ATP10B: variants seen among roughly 807,000 people sequenced by gnomAD.
ATP10B encodes phospholipid-transporting ATPase VB.
A neutral mutation model predicts 141.2 loss-of-function variants in ATP10B; 122 were observed. The ratio of observed to expected loss-of-function variants is 0.86; its 90% CI spans 0.75 to 1.00. ATP10B has a LOEUF of 1.00. Ranked by LOEUF, ATP10B falls within the 50% of genes least tolerant of loss-of-function variation. The probability of loss-of-function intolerance (pLI) is 0.00; values close to 1 mark genes in which losing one functional copy is unlikely to be tolerated. For missense variants in ATP10B, 1,876 were observed against 1,825.3 expected, an observed-to-expected ratio of 1.03 and a Z score of -0.51; for synonymous variants, 685 against 692.0, an observed-to-expected ratio of 0.99 and a Z score of 0.16.
chr5:160,750,603 C>A (rs943758000), intron 2 of ATP10B, among the ~76,000 whole-genome samples: 1 of 152,204 alleles, frequency 6.6e-6, no homozygotes, highest in South Asian at 2.1e-4. Context: ...TTCCCTCCAC[C>A]ATCACTGTTT....
chr5:160,838,836 G>A (rs1775635725), intron 1 of ATP10B, among the ~76,000 whole-genome samples: 1 of 152,268 alleles, frequency 6.6e-6, no homozygotes, highest in Non-Finnish European at 1.5e-5. Context: ...GGACCTGGTG[G>A]AAGGTGATTG....
chr5:160,775,439 G>A (rs1166222424), intron 2 of ATP10B, among the ~76,000 whole-genome samples: 1 of 152,108 alleles, frequency 6.6e-6, no homozygotes, highest in Non-Finnish European at 1.5e-5. Context: ...TAACCTCTGA[G>A]GATTACTATA....
intron 2 of ATP10B, among the ~76,000 whole-genome samples, chr5:160,750,539 G>T (rs540633479): frequency 6.6e-6 from 1 of 152,106 alleles, no homozygotes; most frequent in Non-Finnish European, 1.5e-5. Context: ...CCCCACTGCT[G>T]CCATTCTTGT....
chr5:160,861,137 C>T, the ATP10B span, among the ~76,000 whole-genome samples: 1 of 151,720 alleles, frequency 6.6e-6, no homozygotes, highest in Non-Finnish European at 1.5e-5. Flanking sequence ...GCATTTTGTA[C>T]CATCTTTTGG....
At chr5:160,584,600 G>A (rs1422931717) in intron 24 of ATP10B, among the ~76,000 whole-genome samples, 1 of 151,880 alleles carries the variant, frequency 6.6e-6, no homozygotes, top group East Asian at 1.9e-4. Flanking sequence ...TAAAAAAACT[G>A]AACTCTTATG....
At chr5:160,632,417 A>T in intron 12 of ATP10B, 50 bp from the exon 13 acceptor site, 1 of 1,564,104 alleles carries the variant, frequency 6.4e-7, no homozygotes, top group Non-Finnish European at 8.8e-7. Context: ...CGGCTGGACC[A>T]TGTTGGGGAA....
At chr5:160,883,717 A>C in the ATP10B span, among the ~76,000 whole-genome samples, 5 of 152,206 alleles carry the variant, frequency 3.3e-5, no homozygotes, top group Non-Finnish European at 4.4e-5. Flanking sequence ...GCAGAAGTGT[A>C]AGCCTTCCAA....
chr5:160,796,066 C>T (rs1331015433), intron 1 of ATP10B, among the ~76,000 whole-genome samples: 2 of 152,132 alleles, frequency 1.3e-5, no homozygotes, highest in African/African-American at 4.8e-5. Context: ...TTAGTGACCT[C>T]ACCACACCAA....
intron 7 of ATP10B, among the ~76,000 whole-genome samples, chr5:160,651,936 C>A (rs1760769134): frequency 6.6e-6 from 1 of 152,116 alleles, no homozygotes; most frequent in South Asian, 2.1e-4. Context: ...CACTCCTGAT[C>A]CACACCACTC....
At chr5:160,598,697 G>A (rs1756901213) in intron 22 of ATP10B, 73 bp downstream of exon 22, 3 of 1,384,960 alleles carry the variant, frequency 2.2e-6, no homozygotes, top group Non-Finnish European at 3.0e-6. Context: ...CTCTTTCTCT[G>A]ATGCCTCCAG....
chr5:160,670,655 G>A lies in ATP10B; in HGVS notation c.483C>T (p.Thr161=). The A allele has an allele frequency of 6.2e-7, 1 of 1,613,340 alleles. No homozygotes were observed. The highest frequency in any genetic ancestry group is 8.5e-7 in the Non-Finnish European group (1 of 1,179,734). Residue 161 remains threonine (T), a synonymous_variant, in exon 7 of 26, where the codon ACC becomes ACT. Coordinates refer to ENST00000327245, the MANE Select transcript of ATP10B (RefSeq NM_025153.3). ...NIRIYERKEQ[T]YVQKCWKDVR... is the part of the protein sequence containing the mutation. ...CATCCTTCCAGCACTTCTGCACATA[G>A]GTCTGCTCTTTTCTTGGGTGAGAGA...
At chr5:160,597,399 A>G (rs1756783742) in intron 22 of ATP10B, among the ~76,000 whole-genome samples, 1 of 152,168 alleles carries the variant, frequency 6.6e-6, no homozygotes, top group Admixed American at 6.5e-5. Flanking sequence ...TTAATTCAAG[A>G]TGGATTAAAG....
intron 7 of ATP10B, among the ~76,000 whole-genome samples, chr5:160,669,155 A>G (rs1383978404): frequency 6.6e-6 from 1 of 152,170 alleles, no homozygotes; most frequent in Non-Finnish European, 1.5e-5. Context: ...TTGGAAATCA[A>G]CTCCCACAAG....
intron 1 of ATP10B, among the ~76,000 whole-genome samples, chr5:160,799,111 C>G (rs1471227865): frequency 3.1e-5 from 4 of 128,168 alleles, no homozygotes; most frequent in Non-Finnish European, 6.8e-5. Context: ...TAGGCTGTAT[C>G]AAAAGCTGAT....
chr5:160,751,001 C>G (rs1425652274), intron 2 of ATP10B, among the ~76,000 whole-genome samples: 2 of 152,226 alleles, frequency 1.3e-5, no homozygotes, highest in Non-Finnish European at 2.9e-5. Context: ...CCTCCAAACA[C>G]CAGTGTCAGT....
chr5:160,904,245 G>A, the ATP10B span, among the ~76,000 whole-genome samples: 1 of 152,136 alleles, frequency 6.6e-6, no homozygotes, highest in Non-Finnish European at 1.5e-5. Context: ...TAAAGTCTCA[G>A]AGTCAGACTG....
intron 2 of ATP10B, among the ~76,000 whole-genome samples, chr5:160,749,813 C>CT (rs1768040048): frequency 6.6e-6 from 1 of 151,740 alleles, no homozygotes; most frequent in African/African-American, 2.4e-5. Context: ...AGGAGGGATC[C>CT]TTTTGCCAGC....
intron 1 of ATP10B, among the ~76,000 whole-genome samples, chr5:160,836,596 C>G (rs1292527033): frequency 6.6e-6 from 1 of 152,050 alleles, no homozygotes; most frequent in Non-Finnish European, 1.5e-5. Context: ...CTGAATAATA[C>G]CCTCGGTGAA....
intron 3 of ATP10B, among the ~76,000 whole-genome samples, chr5:160,698,349 T>C (rs961542281): frequency 5.9e-5 from 9 of 152,166 alleles, no homozygotes; most frequent in African/African-American, 1.9e-4. Flanking sequence ...ATTTTCTTCT[T>C]AACCACTGCT....
Sources: allele counts gnomAD v4.1 joint callset (sites outside exome capture counted in the v4.1 genomes callset), GRCh38; gene constraint gnomAD v4.1.1; transcripts MANE v1.5; gene names NCBI Gene and HGNC (gene_info 2026-07-23, HGNC 2026-07-21).